GCNT1: variants seen among roughly 807,000 people sequenced by gnomAD.
GCNT1 encodes the protein beta-1,3-galactosyl-O-glycosyl-glycoprotein beta-1,6-N-acetylglucosaminyltransferase.
Under a neutral mutation model 26.2 loss-of-function variants are expected in GCNT1, and 16 were observed. The observed-to-expected ratio is 0.61, with a 90% CI of 0.41 to 0.93. The LOEUF is 0.93. Among genes scored for constraint, GCNT1 ranks in the 40% least tolerant of loss-of-function variants. The pLI is 0.00. For missense variants in GCNT1, 477 were observed against 526.7 expected, an observed-to-expected ratio of 0.91 and a Z score of 0.92; for synonymous variants, 183 against 190.8, an observed-to-expected ratio of 0.96 and a Z score of 0.34.
At chr9:76,400,324 T>C in the GCNT1 span, among the ~76,000 whole-genome samples, 2 of 152,010 alleles carry the variant, frequency 1.3e-5, no homozygotes, top group East Asian at 1.9e-4. Flanking sequence ...CCTAAATAGT[T>C]ACCAAGTCTC....
chr9:76,394,651 G>A, the GCNT1 span: 1 of 154,198 alleles, frequency 6.5e-6, no homozygotes, highest in Non-Finnish European at 1.4e-5. Flanking sequence ...CCCGGGCTTC[G>A]TTTCAGCCCC....
chr9:76,460,334 C>A (rs571975745), intron 2 of GCNT1, among the ~76,000 whole-genome samples, 157 bp downstream of exon 2: 8 of 152,226 alleles, frequency 5.3e-5, no homozygotes, highest in Admixed American at 2.0e-4. Flanking sequence ...TCAAAGAAAG[C>A]CGTGGTGCCT....
chr9:76,485,842 C>G (rs1412586846), intron 2 of GCNT1, among the ~76,000 whole-genome samples: 1 of 152,176 alleles, frequency 6.6e-6, no homozygotes, highest in African/African-American at 2.4e-5. Flanking sequence ...AAGTGATTCT[C>G]CTGCCTCAGC....
At position 76,425,598 on chromosome 9, in the gene GCNT1, C is replaced by T. The variant is rs545029711; in HGVS notation, n.38+5711C>T. ...AGCTTATGTAACAGCCCAGTGGGTT[C>T]ATGTTGCCTGCTACCTAGACAAAGC... On this transcript the variant is annotated intron_variant and non_coding_transcript_variant, in intron 1 of 3. Transcript: ENST00000488136. Among the ~76,000 whole-genome samples the T allele has an allele frequency of 1.9e-4, 29 of 152,252 alleles. No homozygotes were observed. The South Asian group carries it at 4.1e-3, about 22-fold the overall frequency.
chr9:76,479,078 A>G (rs957388124), intron 2 of GCNT1, among the ~76,000 whole-genome samples: 2 of 151,694 alleles, frequency 1.3e-5, no homozygotes, highest in Non-Finnish European at 1.5e-5. Flanking sequence ...TCATTGCTCA[A>G]TTCTCACCTA....
upstream of GCNT1, among the ~76,000 whole-genome samples, chr9:76,440,227 A>G (rs10869779): frequency 0.39 from 59,909 of 151,958 alleles, 12,069 homozygotes; most frequent in Non-Finnish European, 0.44. Context: ...TTCTCTCTGA[A>G]TTTTCTTCTA....
At chr9:76,458,957 CCTCTTAAG>C (rs1319074737), upstream of GCNT1, among the ~76,000 whole-genome samples, 3 of 152,262 alleles carry the variant, frequency 2.0e-5, no homozygotes, top group Admixed American at 2.0e-4. Flanking sequence ...CGCTCACACA[CCTCTTAAG>C]AATCAGAGCA....
upstream of GCNT1, among the ~76,000 whole-genome samples, chr9:76,415,482 T>C (rs1823124966): frequency 6.6e-6 from 1 of 152,212 alleles, no homozygotes; most frequent in Non-Finnish European, 1.5e-5. Flanking sequence ...TGCATACATA[T>C]GTAATTAAGA....
At chr9:76,417,747 A>C (rs1266191390), upstream of GCNT1, among the ~76,000 whole-genome samples, 1 of 152,178 alleles carries the variant, frequency 6.6e-6, no homozygotes, top group Non-Finnish European at 1.5e-5. Flanking sequence ...AGTTTAAAAT[A>C]ATTTTCATAT....
At chr9:76,396,561 G>A in the GCNT1 span, among the ~76,000 whole-genome samples, 2 of 152,230 alleles carry the variant, frequency 1.3e-5, no homozygotes, top group Non-Finnish European at 1.5e-5. Flanking sequence ...ATCAGCCAGG[G>A]CCTGGCACAG....
intron 1 of GCNT1, among the ~76,000 whole-genome samples, chr9:76,428,737 G>A: frequency 8.4e-6 from 1 of 119,124 alleles, no homozygotes; most frequent in African/African-American, 3.2e-5. Context: ...TTTCGCTCTT[G>A]TTGCCCAGGC....
chr9:76,394,263 G>A, the GCNT1 span: 1 of 1,329,772 alleles, frequency 7.5e-7, no homozygotes, highest in East Asian at 2.8e-5. Context: ...GACCAGCCGG[G>A]GGACAGGAGC....
chr9:76,460,780 G>C (rs1823855632), intron 2 of GCNT1, among the ~76,000 whole-genome samples: 1 of 152,144 alleles, frequency 6.6e-6, no homozygotes, highest in African/African-American at 2.4e-5. Context: ...CCGAGAGGTT[G>C]ATATTTTTTC....
chr9:76,489,101 G>A (rs1473885130), intron 2 of GCNT1, among the ~76,000 whole-genome samples: 1 of 152,152 alleles, frequency 6.6e-6, no homozygotes, highest in Admixed American at 6.5e-5. Flanking sequence ...GTTGACTAAG[G>A]TACCTATATC....
chr9:76,441,238 C>T (rs1189083825), upstream of GCNT1, among the ~76,000 whole-genome samples: 3 of 151,968 alleles, frequency 2.0e-5, no homozygotes, highest in South Asian at 2.1e-4. Context: ...ATCCGCCTCC[C>T]GGCCTCAAGC....
At chr9:76,409,232 T>C in the GCNT1 span, among the ~76,000 whole-genome samples, 4 of 152,190 alleles carry the variant, frequency 2.6e-5, no homozygotes, top group African/African-American at 9.6e-5. Context: ...TTTGTAGACA[T>C]AGAGAGTTTC....
At chr9:76,489,641 A>G (rs1380115050) in intron 2 of GCNT1, among the ~76,000 whole-genome samples, 1 of 152,206 alleles carries the variant, frequency 6.6e-6, no homozygotes, top group Non-Finnish European at 1.5e-5. Flanking sequence ...TCCTCTAGCT[A>G]GACACAGAGC....
At chr9:76,485,371 G>A (rs1824546555) in intron 2 of GCNT1, among the ~76,000 whole-genome samples, 1 of 151,702 alleles carries the variant, frequency 6.6e-6, no homozygotes, top group Non-Finnish European at 1.5e-5. Context: ...ACAGGGTTTT[G>A]CCGAGTTGGC....
chr9:76,411,376 T>C, the GCNT1 span, among the ~76,000 whole-genome samples: 1 of 152,160 alleles, frequency 6.6e-6, no homozygotes, highest in African/African-American at 2.4e-5. Context: ...TTGCCCAGGC[T>C]GGAGTGCAGT....
Sources: allele counts gnomAD v4.1 joint callset (sites outside exome capture counted in the v4.1 genomes callset), GRCh38; gene constraint gnomAD v4.1.1; transcripts MANE v1.5; gene names NCBI Gene and HGNC (gene_info 2026-07-23, HGNC 2026-07-21).